Variants in UGT1A4 observed in about 807,000 individuals in gnomAD.
UGT1A4 encodes UDP-glucuronosyltransferase 1A4.
UGT1A4 carries 32 observed loss-of-function variants against 41.1 expected under a neutral mutation model. The ratio of observed to expected loss-of-function variants is 0.78; its 90% CI spans 0.59 to 1.05. The LOEUF is 1.05. Ranked by LOEUF, UGT1A4 falls within the 50% of genes least tolerant of loss-of-function variation. The pLI, the probability that UGT1A4 is intolerant of heterozygous loss-of-function variation, is 0.00. For synonymous variants in UGT1A4, 283 were observed against 265.1 expected, an observed-to-expected ratio of 1.07 and a Z score of -0.66; for missense variants, 748 against 677.4, an observed-to-expected ratio of 1.10 and a Z score of -1.16.
chr2:233,762,662 A>G (rs1559409315), intron 1 of UGT1A4, among the ~76,000 whole-genome samples: 1 of 152,070 alleles, frequency 6.6e-6, no homozygotes, highest in Non-Finnish European at 1.5e-5. Flanking sequence ...TTTGTAGTTT[A>G]AAAAACATTT....
intron 1 of UGT1A4, chr2:233,729,601 G>C: frequency 3.1e-6 from 5 of 1,614,032 alleles, no homozygotes; most frequent in Non-Finnish European, 4.2e-6. Context: ...CCTCTGCGCG[G>C]CAGTGCTGGC....
intron 1 of UGT1A4, chr2:233,755,362 C>T (rs1695882393): frequency 8.2e-6 from 3 of 365,832 alleles, no homozygotes; most frequent in Admixed American, 3.9e-5. Context: ...CGACCTGGGC[C>T]GCCTGGAGGG....
At chr2:233,748,719 T>G (rs1371005675) in intron 1 of UGT1A4, among the ~76,000 whole-genome samples, 3 of 151,682 alleles carry the variant, frequency 2.0e-5, no homozygotes, top group Non-Finnish European at 4.4e-5. Context: ...GTCTGGTGCA[T>G]GATGTGGGGA....
At position 233,768,455 on chromosome 2, in the gene UGT1A4, C is replaced by T. The variant is rs781674536; in HGVS notation, c.1307+16C>T. 1.9e-6 allele frequency: 3 copies of T among 1,610,240 alleles called. No individual in the cohort carries two copies. The highest frequency in any genetic ancestry group is 2.2e-5 in the East Asian group (1 of 44,770). On this transcript the variant is annotated intron_variant, in intron 4 of 4. Coordinates refer to ENST00000373409, the MANE Select transcript of UGT1A4 (RefSeq NM_007120.3). ...ATGACAAAAGGTAAGAAAGAAGATA[C>T]AGAAGAATACTTTGGTCATGGCATT... is the stretch of plus-strand genomic sequence containing the variant.
intron 1 of UGT1A4, among the ~76,000 whole-genome samples, chr2:233,746,084 A>T (rs555344502): frequency 1.2e-4 from 18 of 151,976 alleles, no homozygotes; most frequent in Admixed American, 1.2e-3. Context: ...AGTCACTTCT[A>T]TACAGAAACA....
rs368860136 is a variant in UGT1A4 at position 233,772,310 on chromosome 2, G to C, written c.1356G>C (p.Pro452=). 4.6e-5 allele frequency: 74 copies of C among 1,614,210 alleles called. 1 individual carries two copies. The South Asian group carries it at 7.0e-4, about 15-fold the overall frequency. The part of the protein sequence containing the change: ...MRLSSLHKDR[P]VEPLDLAVFW... Reference sequence around the variant, plus strand: ...TCTCCAGCCTTCACAAGGACCGCCCGGTGGAGCCGCTGGACCTGGCCGTGT... The same window carrying C: ...TCTCCAGCCTTCACAAGGACCGCCCCGTGGAGCCGCTGGACCTGGCCGTGT... The change falls in exon 5 of 5, where the codon CCG becomes CCC. Residue 452 remains proline, a synonymous_variant. Transcript: ENST00000373409.
intron 1 of UGT1A4, chr2:233,748,001 G>A: frequency 6.2e-7 from 1 of 1,613,512 alleles, no homozygotes; most frequent in Non-Finnish European, 8.5e-7. Context: ...ACTTTGTGAT[G>A]GATTACCCCA....
At position 233,761,104 on chromosome 2, in the gene UGT1A4, G is replaced by T. The variant is rs143072292; in HGVS notation, c.868-5930G>T. On this transcript the variant is annotated intron_variant, in intron 1 of 4. Transcript: ENST00000373409. Reference sequence around the variant, plus strand: ...CCCTAGGCCCATCATGCCCAATATGGTTTTTGTTGGTGGAATCAACTGCCT... The same window carrying T: ...CCCTAGGCCCATCATGCCCAATATGTTTTTTGTTGGTGGAATCAACTGCCT... 1.9e-6 allele frequency: 3 copies of T among 1,614,078 alleles called. No homozygotes were observed. In the African/African-American group the frequency reaches 4.0e-5, roughly 22 times the overall value.
At chr2:233,720,878 T>TTG (rs1425776914) in intron 1 of UGT1A4, among the ~76,000 whole-genome samples, 1 of 150,714 alleles carries the variant, frequency 6.6e-6, no homozygotes, top group African/African-American at 2.4e-5. Context: ...GCAATTTTTT[T>TTG]TTTTTTTTTT....
chr2:233,737,141 C>T (rs2078844514), intron 1 of UGT1A4, among the ~76,000 whole-genome samples: 1 of 152,246 alleles, frequency 6.6e-6, no homozygotes, highest in African/African-American at 2.4e-5. Context: ...GCCTTTTGTT[C>T]AGATATGCCC....
intron 1 of UGT1A4, among the ~76,000 whole-genome samples, chr2:233,739,543 T>G (rs555327898): frequency 6.6e-6 from 1 of 152,334 alleles, no homozygotes; most frequent in South Asian, 2.1e-4. Context: ...TTTTGGAGCT[T>G]TAAGATTTAA....
intron 1 of UGT1A4, among the ~76,000 whole-genome samples, chr2:233,749,087 T>C (rs1694105720): frequency 1.3e-5 from 2 of 151,858 alleles, no homozygotes; most frequent in African/African-American, 2.4e-5. Context: ...GTGTGCCATG[T>C]ATTTCATGAG....
At chr2:233,767,621 C>T (rs149525417) in intron 2 of UGT1A4, among the ~76,000 whole-genome samples, 1 of 152,276 alleles carries the variant, frequency 6.6e-6, no homozygotes, top group African/African-American at 2.4e-5. Flanking sequence ...AAGTGCACAG[C>T]TTGATAAATT....
At chr2:233,743,977 C>A (rs1692620866) in intron 1 of UGT1A4, 2 of 1,309,814 alleles carry the variant, frequency 1.5e-6, no homozygotes, top group Middle Eastern at 2.3e-4. Context: ...CTGCCAGCAC[C>A]CAGGCGCAGG....
chr2:233,769,725 C>T lies in UGT1A4; in HGVS notation c.1307+1286C>T, dbSNP rs1699926771. The T allele has an allele frequency of 6.7e-7, 1 of 1,483,194 alleles. No homozygotes were observed. Among genetic ancestry groups the T allele is most frequent in the Non-Finnish European group, 9.0e-7 (1 of 1,115,276 alleles). 91.9% of individuals were successfully genotyped at this position (1,483,194 alleles called of 1,614,324 possible). On this transcript the variant is annotated intron_variant, in intron 4 of 4. Transcript: ENST00000373409. This position sits in a 1 kb window ranked among gnomAD's most constrained non-coding sequence, Gnocchi z 4.4. The stretch of plus-strand genomic sequence containing the variant: ...TCAATGTTGGCTAGGCACCATGGCA[C>T]ACGCCTGTAGTCCCAGCCACTCTGG...
Position 233,768,287 on chromosome 2 carries a change from T to C in UGT1A4, c.1155T>C (p.Asn385=), listed in dbSNP as rs1256701591. ...ATGGTGTTTATGAAAGCATATGCAA[T>C]GGCGTTCCCATGGTGATGATGCCCT... ...GSHGVYESIC[N]GVPMVMMPLF... Residue 385 remains asparagine (N), a synonymous_variant, in exon 4 of 5, where the codon AAT becomes AAC. Coordinates refer to ENST00000373409, the MANE Select transcript of UGT1A4 (RefSeq NM_007120.3). 1 of 1,614,056 alleles carries C rather than the reference T, an allele frequency of 6.2e-7. No homozygotes were observed. Among genetic ancestry groups the C allele is most frequent in the Non-Finnish European group, 8.5e-7 (1 of 1,180,042 alleles).
intron 1 of UGT1A4, chr2:233,743,217 C>G: frequency 2.4e-6 from 1 of 409,784 alleles, no homozygotes; most frequent in Non-Finnish European, 4.8e-6. Context: ...AGTAACTGCT[C>G]TTTGCTATTT....
chr2:233,744,539 T>C (rs1692841530), intron 1 of UGT1A4, among the ~76,000 whole-genome samples: 1 of 151,924 alleles, frequency 6.6e-6, no homozygotes, highest in African/African-American at 2.4e-5. Flanking sequence ...TTTATGTAAA[T>C]TTTATTAAGA....
chr2:233,731,781 A>G (rs2078203894), intron 1 of UGT1A4, among the ~76,000 whole-genome samples: 1 of 152,164 alleles, frequency 6.6e-6, no homozygotes, highest in Admixed American at 6.5e-5. Context: ...ATCATTTATA[A>G]TCGTTTGGGT....
Sources: allele counts gnomAD v4.1 joint callset (sites outside exome capture counted in the v4.1 genomes callset), GRCh38; gene constraint gnomAD v4.1.1; non-coding constraint Gnocchi (gnomAD v3.1); transcripts MANE v1.5; gene names NCBI Gene and HGNC (gene_info 2026-07-23, HGNC 2026-07-21).